The following DIP2B variants were observed in gnomAD, a reference collection of about 807,000 sequenced individuals.
DIP2B encodes the protein disco-interacting protein 2 homolog B.
DIP2B carries 76 observed loss-of-function variants against 198.0 expected under a neutral mutation model. The ratio of observed to expected loss-of-function variants is 0.38; its 90% confidence interval spans 0.32 to 0.46. The LOEUF (loss-of-function observed/expected upper bound fraction) is 0.46, where lower values mean the gene tolerates loss of function less well. Ranked by LOEUF, DIP2B falls within the 20% of genes least tolerant of loss-of-function variation. The pLI, the probability that DIP2B is intolerant of heterozygous loss-of-function variation, is 0.99. For missense variants in DIP2B, 1,559 were observed against 1,978.4 expected (o/e 0.79, Z 4.02); for synonymous variants, 701 against 739.1 (o/e 0.95, Z 0.84).
chr12:50,662,388 G>A (rs1395366122), intron 4 of DIP2B, among the ~76,000 whole-genome samples: 1 of 152,152 alleles, frequency 6.6e-6, no homozygotes, highest in Non-Finnish European at 1.5e-5. Flanking sequence ...CCCCCACATG[G>A]GATATCTTGA....
rs1748305417 is a variant in DIP2B, at chr12:50,721,326, G to A, written c.3096G>A (p.Arg1032=). The change falls in exon 26 of 38, where the codon AGG becomes AGA. Residue 1032 remains arginine, a synonymous_variant. Transcript: ENST00000301180. ...SCLQLHKRAE[R]IASVLGDKGH... Reference sequence around the variant, plus strand: ...TTCAGCTTCATAAGCGAGCAGAGAGGATTGCATCTGTTCTTGGTGATAAGG... The same window carrying A: ...TTCAGCTTCATAAGCGAGCAGAGAGAATTGCATCTGTTCTTGGTGATAAGG... 1 of 1,614,152 alleles carries A rather than the reference G, an allele frequency of 6.2e-7. No homozygotes were observed. The highest frequency in any genetic ancestry group is 1.3e-5 in the African/African-American group (1 of 75,044).
intron 1 of DIP2B, among the ~76,000 whole-genome samples, chr12:50,543,546 C>G (rs144298099): frequency 6.6e-6 from 1 of 151,932 alleles, no homozygotes; most frequent in Non-Finnish European, 1.5e-5. Context: ...GCCTCGGCCT[C>G]CCAAAGTGCT....
At chr12:50,618,736 A>G (rs1937748695) in intron 1 of DIP2B, among the ~76,000 whole-genome samples, 1 of 152,212 alleles carries the variant, frequency 6.6e-6, no homozygotes, top group Non-Finnish European at 1.5e-5. Flanking sequence ...TGATGATAAT[A>G]TCACCTGATA....
At chr12:50,712,083 A>T (rs1592138507) in intron 22 of DIP2B, among the ~76,000 whole-genome samples, 1 of 152,286 alleles carries the variant, frequency 6.6e-6, no homozygotes, top group East Asian at 1.9e-4. Flanking sequence ...TGGGAGGATC[A>T]CTTGAGCCCA....
chr12:50,636,901 A>G (rs1342036680), intron 2 of DIP2B, among the ~76,000 whole-genome samples: 6 of 152,134 alleles, frequency 3.9e-5, no homozygotes, highest in Admixed American at 3.9e-4. Flanking sequence ...TACAGAGTCT[A>G]CCCCTGGAAA....
Position 50,580,635 on chromosome 12 carries a change from C to G in DIP2B, c.101-45341C>G, listed in dbSNP as rs1958717011. Among the ~76,000 whole-genome samples, 2 of 145,796 alleles carry G rather than the reference C, an allele frequency of 1.4e-5. 1 individual carries two copies. Among genetic ancestry groups the G allele is most frequent in the South Asian group, 4.7e-4 (2 of 4,294 alleles). On this transcript the variant is annotated intron_variant, in intron 1 of 37. Coordinates refer to ENST00000301180, the MANE Select transcript of DIP2B (RefSeq NM_173602.3). ...ACTGCAACTTTCTTCTATTTTTAAC[C>G]CAGTTCCTTCAGTTCAGTTGTTCTG...
intron 1 of DIP2B, among the ~76,000 whole-genome samples, chr12:50,544,624 CTTT>C (rs66562074): frequency 4.4e-5 from 6 of 137,004 alleles, no homozygotes; most frequent in Non-Finnish European, 7.9e-5. Flanking sequence ...CTTTCTTTTT[CTTT>C]TTTTTTTTTT....
At chr12:50,718,681 G>T (rs1401369733) in intron 23 of DIP2B, 28 bp from the exon 24 acceptor site, 2 of 1,590,038 alleles carry the variant, frequency 1.3e-6, no homozygotes, top group South Asian at 2.2e-5. Flanking sequence ...GCCATCTCCA[G>T]TGAGTTGGGT....
chr12:50,582,499 A>G (rs1280423036), intron 1 of DIP2B, among the ~76,000 whole-genome samples: 1 of 152,268 alleles, frequency 6.6e-6, no homozygotes, highest in East Asian at 1.9e-4. Flanking sequence ...GTAGAATTCT[A>G]TGAAACATTG....
At chr12:50,663,515 C>T (rs1019445442) in intron 4 of DIP2B, among the ~76,000 whole-genome samples, 1 of 151,080 alleles carries the variant, frequency 6.6e-6, no homozygotes, top group African/African-American at 2.4e-5. Flanking sequence ...GAGACCGCGC[C>T]ACTGCATTCC....
chr12:50,596,690 C>T lies in DIP2B; in HGVS notation c.101-29286C>T, dbSNP rs563308139. ...GACCAGCCTGGGCAACATGGCGAAA[C>T]CCCACCTCTACCAAAAATTCAAAAC... On this transcript the variant is annotated intron_variant, in intron 1 of 37. Transcript: ENST00000301180. 5.3e-4 allele frequency among the ~76,000 whole-genome samples: 80 copies of T among 152,240 alleles called. 1 individual carries two copies. The highest frequency in any genetic ancestry group is 2.0e-3 in the Admixed American group (30 of 15,286).
intron 1 of DIP2B, among the ~76,000 whole-genome samples, chr12:50,596,191 G>T (rs1244355153): frequency 6.6e-6 from 1 of 152,134 alleles, no homozygotes; most frequent in Admixed American, 6.5e-5. Flanking sequence ...TTAGTATATC[G>T]AAAGGAGTCT....
At chr12:50,622,614 CCTT>C (rs1020944469) in intron 1 of DIP2B, among the ~76,000 whole-genome samples, 33 of 152,102 alleles carry the variant, frequency 2.2e-4, no homozygotes, top group African/African-American at 7.7e-4. Context: ...ACACATTATT[CCTT>C]TTTTTTTTGA....
chr12:50,558,692 C>T (rs1958492106), intron 1 of DIP2B, among the ~76,000 whole-genome samples: 5 of 152,112 alleles, frequency 3.3e-5, no homozygotes, highest in Admixed American at 3.3e-4. Flanking sequence ...CTCAGAAGAA[C>T]AAAACAGAAC....
Position 50,563,578 on chromosome 12 carries a change from A to G in DIP2B, c.100+58338A>G, listed in dbSNP as rs140982241. Among the ~76,000 whole-genome samples, 182 of 148,804 alleles carry G rather than the reference A, an allele frequency of 1.2e-3. 1 individual carries two copies. The highest frequency in any genetic ancestry group is 2.1e-3 in the Non-Finnish European group (144 of 67,420). ...TGATTATAGCTCGCTCTAGCCTCCA[A>G]CTCCTGGGCTTAAGTGATCCTCTTC... On this transcript the variant is annotated intron_variant, in intron 1 of 37. Transcript: ENST00000301180.
intron 1 of DIP2B, among the ~76,000 whole-genome samples, chr12:50,605,344 G>C (rs1007542336): frequency 1.3e-4 from 20 of 152,148 alleles, no homozygotes; most frequent in African/African-American, 3.9e-4. Context: ...TATTTTGCGA[G>C]GCTAAGGTGG....
At chr12:50,675,223 G>T (rs1306196301) in intron 6 of DIP2B, 106 bp from the exon 7 acceptor site, 12 of 1,418,960 alleles carry the variant, frequency 8.5e-6, no homozygotes, top group Non-Finnish European at 1.1e-5. Context: ...GAAGGAAACT[G>T]GACAAACGCC....
At chr12:50,719,172 G>A in intron 25 of DIP2B, 137 bp downstream of exon 25, 1 of 865,866 alleles carries the variant, frequency 1.2e-6, no homozygotes, top group Non-Finnish European at 1.8e-6. Flanking sequence ...CCTTGCTTTG[G>A]CATATGAGGG....
At chr12:50,525,270 A>G (rs1424799363) in intron 1 of DIP2B, among the ~76,000 whole-genome samples, 1 of 151,612 alleles carries the variant, frequency 6.6e-6, no homozygotes, top group Non-Finnish European at 1.5e-5. Context: ...AGGCAGGAGA[A>G]TGGCGTGAAC....
Sources: allele counts gnomAD v4.1 joint callset (sites outside exome capture counted in the v4.1 genomes callset), GRCh38; gene constraint gnomAD v4.1.1; transcripts MANE v1.5; gene names NCBI Gene and HGNC (gene_info 2026-07-23, HGNC 2026-07-21).